ABCA12: variants seen among roughly 807,000 people sequenced by gnomAD.
ABCA12 encodes the protein glucosylceramide transporter ABCA12.
A neutral mutation model predicts 293.5 loss-of-function variants in ABCA12; 156 were observed. The observed-to-expected ratio is 0.53, with a 90% confidence interval of 0.47 to 0.61. The LOEUF (loss-of-function observed/expected upper bound fraction) is 0.61. Among genes scored for constraint, ABCA12 ranks in the 20% least tolerant of loss-of-function variants. ABCA12 has a pLI of 0.00. For missense variants in ABCA12, 2,797 were observed against 3,090.2 expected, an observed-to-expected ratio of 0.91 and a Z score of 2.25; for synonymous variants, 1,063 against 1,108.0, an observed-to-expected ratio of 0.96 and a Z score of 0.81.
At chr2:215,110,458 T>C (rs1702549326) in intron 2 of ABCA12, among the ~76,000 whole-genome samples, 1 of 152,188 alleles carries the variant, frequency 6.6e-6, no homozygotes, top group Admixed American at 6.5e-5. Flanking sequence ...TTGCTTGCAG[T>C]GAGCCGAAAT....
At chr2:215,086,901 C>T (rs1005166890) in intron 2 of ABCA12, among the ~76,000 whole-genome samples, 2 of 150,838 alleles carry the variant, frequency 1.3e-5, no homozygotes, top group Non-Finnish European at 2.9e-5. Context: ...ACAGAACTTA[C>T]CTTTCTCTAA....
chr2:215,075,811 T>G (rs1044902388), intron 2 of ABCA12: 15 of 482,904 alleles, frequency 3.1e-5, no homozygotes, highest in Non-Finnish European at 4.7e-5. Context: ...ATTATCACAG[T>G]GAATTTTGTG....
rs150309991 is a variant in ABCA12 at position 214,945,072 on chromosome 2, C to T, written c.7272G>A (p.Ser2424=). Reference sequence around the variant, plus strand: ...AAATGATCTTCCAGAGGTGCCGTTTCGACTTCGGATCCATGCCAGAGCTCG... The same window carrying T: ...AAATGATCTTCCAGAGGTGCCGTTTTGACTTCGGATCCATGCCAGAGCTCG... ...DEPSSGMDPK[S]KRHLWKIISE... The change falls in exon 49 of 53, where the codon TCG becomes TCA. Residue 2424 remains serine (S), a synonymous_variant. Transcript: ENST00000272895. 2.4e-5 allele frequency: 38 copies of T among 1,613,482 alleles called. No homozygotes were observed. The highest frequency in any genetic ancestry group is 1.4e-4 in the South Asian group (13 of 91,030).
chr2:214,938,114 C>A (rs1385481533), intron 50 of ABCA12, among the ~76,000 whole-genome samples: 2 of 151,138 alleles, frequency 1.3e-5, no homozygotes, highest in African/African-American at 4.9e-5. Flanking sequence ...TAGCCCCCCA[C>A]CCCCCAACAG....
chr2:215,019,499 A>G, intron 12 of ABCA12, 41 bp downstream of exon 12: 2 of 1,614,030 alleles, frequency 1.2e-6, no homozygotes, highest in Middle Eastern at 1.7e-4. Flanking sequence ...CAATATTTTG[A>G]AAGAGATTTC....
rs1467588429 is a variant in ABCA12 at position 214,974,880 on chromosome 2, A to G, written c.5382-16T>C. 3 of 1,606,822 alleles carry G rather than the reference A, an allele frequency of 1.9e-6. No individual in the cohort carries two copies. The highest frequency in any genetic ancestry group is 2.6e-6 in the Non-Finnish European group (3 of 1,173,538). ...GTGATAATTACTGCAATATGAAAGG[A>G]CAGAAACAAATTCATGATTTTTCTA... On this transcript the variant is annotated splice_polypyrimidine_tract_variant and intron_variant, in intron 34 of 52. Coordinates refer to ENST00000272895, the MANE Select transcript of ABCA12 (RefSeq NM_173076.3).
Position 215,019,527 on chromosome 2 carries a change from T to G in ABCA12, c.1544+13A>C, listed in dbSNP as rs200985505. 6.2e-7 allele frequency: 1 copy of G among 1,614,170 alleles called. No homozygotes were observed. Among genetic ancestry groups the G allele is most frequent in the East Asian group, 2.2e-5 (1 of 44,884 alleles). ...GAGATTTCACCAAGGAAGAAGACAA[T>G]GGAAAAACTTACTGATCCATATTTA... On this transcript the variant is annotated intron_variant, in intron 12 of 52. Transcript: ENST00000272895.
chr2:214,967,334 T>C (rs1263575300), intron 38 of ABCA12, among the ~76,000 whole-genome samples: 1 of 152,072 alleles, frequency 6.6e-6, no homozygotes, highest in African/African-American at 2.4e-5. Context: ...ACTAATGGAA[T>C]AGACCAAGCT....
At chr2:215,124,049 T>C (rs1702867527) in intron 1 of ABCA12, among the ~76,000 whole-genome samples, 1 of 152,218 alleles carries the variant, frequency 6.6e-6, no homozygotes, top group Non-Finnish European at 1.5e-5. Flanking sequence ...GTTACTTCAC[T>C]TAGAATAATA....
chr2:215,086,863 C>T (rs1702049810), intron 2 of ABCA12, among the ~76,000 whole-genome samples: 1 of 152,004 alleles, frequency 6.6e-6, no homozygotes, highest in Non-Finnish European at 1.5e-5. Flanking sequence ...ACACCAACTG[C>T]CAACAAGATT....
chr2:215,052,598 A>T lies in ABCA12; in HGVS notation c.410-14T>A. The T allele has an allele frequency of 3.1e-6, 5 of 1,601,028 alleles. No homozygotes were observed. Among genetic ancestry groups the T allele is most frequent in the Non-Finnish European group, 3.4e-6 (4 of 1,168,972 alleles). On this transcript the variant is annotated splice_polypyrimidine_tract_variant and intron_variant, in intron 4 of 52. Coordinates refer to ENST00000272895, the MANE Select transcript of ABCA12 (RefSeq NM_173076.3). Reference sequence around the variant, plus strand: ...GAAATACTGTGGCTGTAATCAAAGAAGGAACAGATTAGCATTCCACACACA... The same window carrying T: ...GAAATACTGTGGCTGTAATCAAAGATGGAACAGATTAGCATTCCACACACA...
intron 11 of ABCA12, chr2:215,025,460 C>T (rs1287402524): frequency 2.0e-6 from 1 of 500,864 alleles, no homozygotes; most frequent in Non-Finnish European, 3.5e-6. Flanking sequence ...GGCATCCAGC[C>T]ATAAACTCTT....
chr2:215,060,065 G>C (rs1165788877), intron 3 of ABCA12, among the ~76,000 whole-genome samples: 2 of 152,012 alleles, frequency 1.3e-5, no homozygotes, highest in African/African-American at 4.8e-5. Context: ...ACACTCTCCA[G>C]TAAGATCCAT....
intron 18 of ABCA12, 37 bp from the exon 19 acceptor site, chr2:215,007,883 A>T (rs1559143034): frequency 6.2e-7 from 1 of 1,612,746 alleles, no homozygotes; most frequent in Admixed American, 1.7e-5. Flanking sequence ...GTGATCCATT[A>T]GTATTTTGTC....
intron 2 of ABCA12, among the ~76,000 whole-genome samples, chr2:215,099,718 C>T (rs755251250): frequency 2.6e-5 from 4 of 151,776 alleles, no homozygotes; most frequent in Non-Finnish European, 5.9e-5. Flanking sequence ...AAATTCTGAC[C>T]CCTGGAAAAT....
Position 215,015,601 on chromosome 2 carries a change from T to G in ABCA12, c.1845A>C (p.Glu615Asp), listed in dbSNP as rs1346509916. Residue 615 changes from glutamate to aspartate, a missense_variant, in exon 15 of 53, where the codon GAA (glutamate) becomes GAC (aspartate). Coordinates refer to ENST00000272895, the MANE Select transcript of ABCA12 (RefSeq NM_173076.3). ...CDTNITTPKL[E>D]DAMKEFCNLS... ...GGTTGCAGAATTCTTTCATTGCATC[T>G]TCTAGTTTGGGAGTGGTGATATTAG... The G allele has an allele frequency of 6.2e-7, 1 of 1,614,060 alleles. No individual in the cohort carries two copies. The highest frequency in any genetic ancestry group is 8.5e-7 in the Non-Finnish European group (1 of 1,179,938).
At chr2:215,016,278 C>A (rs2106008458) in intron 14 of ABCA12, among the ~76,000 whole-genome samples, 1 of 150,742 alleles carries the variant, frequency 6.6e-6, no homozygotes, top group South Asian at 2.1e-4. Flanking sequence ...TTGGGGAAAA[C>A]GTTAGTTTAA....
Position 215,026,888 on chromosome 2 carries a change from T to G in ABCA12, c.1112A>C (p.Asn371Thr). The G allele has an allele frequency of 6.2e-7, 1 of 1,613,634 alleles. No individual in the cohort carries two copies. The highest frequency in any genetic ancestry group is 8.5e-7 in the Non-Finnish European group (1 of 1,179,546). Residue 371 changes from asparagine to threonine, a missense_variant, in exon 10 of 53, where the codon AAT becomes ACT. This residue lies in a region of ABCA12 where 656 missense variants were observed against 638.2 expected (regional missense o/e 1.03). Transcript: ENST00000272895. Reference protein sequence around the residue: ...FEDALLNISANSPYIPYLACV... With the variant: ...FEDALLNISATSPYIPYLACV... Reference sequence around the variant, plus strand: ...TGCCAAGTAAGGAATATAAGGACTATTTGCTGATATATTTAAGAGGGCATC... The same window carrying G: ...TGCCAAGTAAGGAATATAAGGACTAGTTGCTGATATATTTAAGAGGGCATC...
chr2:215,130,472 T>C (rs1362834881), intron 1 of ABCA12, among the ~76,000 whole-genome samples: 2 of 152,156 alleles, frequency 1.3e-5, no homozygotes, highest in African/African-American at 2.4e-5. Context: ...TATGTCTAGG[T>C]ATTTTTTGTG....
Sources: gnomAD v4.1 joint callset for allele counts (sites outside exome capture counted in the v4.1 genomes callset) on GRCh38, gnomAD v4.1.1 for gene constraint, gnomAD v4.1.1 regional missense constraint, MANE v1.5 for transcripts, NCBI Gene and HGNC (gene_info 2026-07-23, HGNC 2026-07-21) for gene names.